STPG2: variants seen among roughly 807,000 people sequenced by gnomAD.
STPG2 encodes sperm-tail PG-rich repeat-containing protein 2.
Under a neutral mutation model 54.2 loss-of-function variants are expected in STPG2, and 56 were observed. That is an observed-to-expected ratio of 1.03 (90% CI 0.83 to 1.29). STPG2 has a LOEUF of 1.29. Among genes scored for constraint, STPG2 ranks in the 50% most tolerant of loss-of-function variants. STPG2 has a pLI of 0.00. For synonymous variants in STPG2, 200 were observed against 181.8 expected (o/e 1.10, Z -0.81); for missense variants, 596 against 544.9 (o/e 1.09, Z -0.93).
intron 5 of STPG2, among the ~76,000 whole-genome samples, chr4:98,022,349 A>G (rs1259023093): frequency 6.6e-6 from 1 of 151,626 alleles, no homozygotes; most frequent in Non-Finnish European, 1.5e-5. Context: ...ATTGGCCCCC[A>G]CTCTCTTCTG....
At chr4:97,898,269 CT>C (rs1731037677) in intron 8 of STPG2, among the ~76,000 whole-genome samples, 1 of 149,704 alleles carries the variant, frequency 6.7e-6, no homozygotes, top group Admixed American at 6.7e-5. Flanking sequence ...TATGTGTCTG[CT>C]TTTGTATCCT....
At chr4:98,053,540 A>ATT (rs1303215825) in intron 5 of STPG2, among the ~76,000 whole-genome samples, 12 of 152,038 alleles carry the variant, frequency 7.9e-5, no homozygotes, top group African/African-American at 2.7e-4. Context: ...AAATAACAAA[A>ATT]AAAAAATCTA....
intron 4 of STPG2, among the ~76,000 whole-genome samples, chr4:97,548,443 T>G (rs1029196058): frequency 6.6e-6 from 1 of 152,188 alleles, no homozygotes; most frequent in Non-Finnish European, 1.5e-5. Context: ...TCCACCAGAA[T>G]GTCAGCTCCA....
At chr4:97,603,982 T>C (rs1179257193) in intron 10 of STPG2, among the ~76,000 whole-genome samples, 1 of 151,742 alleles carries the variant, frequency 6.6e-6, no homozygotes, top group Non-Finnish European at 1.5e-5. Flanking sequence ...TTATGTTATA[T>C]ATATTGCACC....
intron 8 of STPG2, among the ~76,000 whole-genome samples, chr4:97,930,550 T>C (rs535626620): frequency 7.5e-4 from 115 of 152,338 alleles, no homozygotes; most frequent in Non-Finnish European, 1.4e-3. Flanking sequence ...CCTGTTTTTG[T>C]ACCAGTGCCA....
intron 7 of STPG2, among the ~76,000 whole-genome samples, chr4:97,948,653 T>G (rs1486656828): frequency 6.6e-6 from 1 of 152,124 alleles, no homozygotes; most frequent in East Asian, 1.9e-4. Context: ...ATTTCCAACT[T>G]GATTTCATTT....
At chr4:97,791,259 A>C (rs1726983242) in intron 9 of STPG2, among the ~76,000 whole-genome samples, 1 of 152,180 alleles carries the variant, frequency 6.6e-6, no homozygotes, top group African/African-American at 2.4e-5. Context: ...GAATTGTTAC[A>C]ATCTCTGAAA....
At chr4:97,651,775 A>C (rs1253226703) in intron 10 of STPG2, among the ~76,000 whole-genome samples, 6 of 152,016 alleles carry the variant, frequency 3.9e-5, no homozygotes, top group Non-Finnish European at 8.8e-5. Flanking sequence ...TGAACTAAAA[A>C]AGAGAAGTTT....
chr4:97,669,292 T>C (rs1319376503), intron 10 of STPG2, among the ~76,000 whole-genome samples: 1 of 152,148 alleles, frequency 6.6e-6, no homozygotes. Flanking sequence ...TATGTTATAG[T>C]CTCATACCCA....
chr4:97,505,516 G>C (rs72887273), intron 4 of STPG2, among the ~76,000 whole-genome samples: 10,400 of 151,874 alleles, frequency 0.068, 1,151 homozygotes, highest in African/African-American at 0.24. Flanking sequence ...GACAAAGGCA[G>C]ATTTAATTGG....
chr4:97,701,111 T>C (rs1173450121), intron 10 of STPG2, among the ~76,000 whole-genome samples: 10 of 152,156 alleles, frequency 6.6e-5, no homozygotes, highest in Non-Finnish European at 1.5e-5. Flanking sequence ...GTTTCTGATT[T>C]ACTATTTTTC....
intron 10 of STPG2, among the ~76,000 whole-genome samples, chr4:97,675,304 G>A (rs1240343974): frequency 1.3e-5 from 2 of 152,028 alleles, no homozygotes; most frequent in Non-Finnish European, 2.9e-5. Flanking sequence ...CGCCTGGCCT[G>A]AAGTATACAT....
Position 97,537,621 on chromosome 4 carries a change from G to A in STPG2, c.462+175078C>T, listed in dbSNP as rs111812492. 5.5e-3 allele frequency among the ~76,000 whole-genome samples: 833 copies of A among 152,312 alleles called. 7 individuals are homozygous for A. The highest frequency in any genetic ancestry group is 0.02 in the Middle Eastern group (6 of 294). ...TCTGTAGACTCCACCTCTGGGGGCA[G>A]GGCATAGCTGAACAAAAGGCAGCAG... On this transcript the variant is annotated intron_variant, in intron 4 of 4. Transcript: ENST00000522676.
intron 10 of STPG2, among the ~76,000 whole-genome samples, chr4:97,571,695 G>T (rs1339763462): frequency 6.6e-6 from 1 of 152,110 alleles, no homozygotes; most frequent in East Asian, 1.9e-4. Context: ...TTTCTTAAAT[G>T]TATTTGATAG....
At chr4:97,891,941 G>T (rs1730787640) in intron 8 of STPG2, among the ~76,000 whole-genome samples, 1 of 151,976 alleles carries the variant, frequency 6.6e-6, no homozygotes, top group Non-Finnish European at 1.5e-5. Flanking sequence ...ATCCCCCATT[G>T]CTGGCTATCT....
intron 1 of STPG2, 85 bp downstream of exon 1, chr4:98,142,957 A>G (rs919258585): frequency 1.4e-5 from 16 of 1,147,302 alleles, no homozygotes; most frequent in Non-Finnish European, 1.9e-5. Context: ...ATTCCGCTCT[A>G]TGTTTAACTC....
intron 5 of STPG2, among the ~76,000 whole-genome samples, chr4:98,078,104 A>G (rs983021536): frequency 2.6e-5 from 4 of 152,146 alleles, no homozygotes; most frequent in East Asian, 1.9e-4. Flanking sequence ...GAGAGAGAGA[A>G]AAAAAAGAGC....
chr4:97,790,945 T>C (rs1726971348), intron 9 of STPG2, among the ~76,000 whole-genome samples: 1 of 152,308 alleles, frequency 6.6e-6, no homozygotes, highest in South Asian at 2.1e-4. Flanking sequence ...CAAAAGCTTA[T>C]AGCATTCAGT....
chr4:97,528,075 T>A (rs536845076), intron 4 of STPG2, among the ~76,000 whole-genome samples: 1 of 152,338 alleles, frequency 6.6e-6, no homozygotes, highest in East Asian at 1.9e-4. Context: ...TCTTTGCACA[T>A]GTCTACATCC....
Sources: gnomAD v4.1 joint callset for allele counts (sites outside exome capture counted in the v4.1 genomes callset) on GRCh38, gnomAD v4.1.1 for gene constraint, MANE v1.5 for transcripts, NCBI Gene and HGNC (gene_info 2026-07-23, HGNC 2026-07-21) for gene names.